The following VRTN variants were observed in gnomAD, a reference collection of about 807,000 sequenced individuals.
VRTN encodes vertebrae development associated.
A neutral mutation model predicts 18.2 loss-of-function variants in VRTN; 5 were observed. The ratio of observed to expected loss-of-function variants is 0.27; its 90% CI spans 0.14 to 0.58. The LOEUF is 0.58. VRTN is among the 20% of genes least tolerant of loss of function. The probability of loss-of-function intolerance (pLI) is 0.91; values close to 1 mark genes in which losing one functional copy is unlikely to be tolerated. For synonymous variants in VRTN, 381 were observed against 393.7 expected, an observed-to-expected ratio of 0.97 and a Z score of 0.38; for missense variants, 741 against 939.4, an observed-to-expected ratio of 0.79 and a Z score of 2.76.
rs1166091520 is a variant in VRTN, at chr14:74,357,942, C to T, written c.1159C>T (p.Leu387=). 7 of 1,614,094 alleles carry T rather than the reference C, an allele frequency of 4.3e-6. No individual in the cohort carries two copies. Among genetic ancestry groups the T allele is most frequent in the Admixed American group, 1.7e-5 (1 of 60,010 alleles). ...GGAGGAGCAGGTGGCTGAGGAGGAG[C>T]TGGAGTGCTCCGCACTGGCGGTGTC... ...LPEEQVAEEE[L]ECSALAVSSP... The change falls in exon 2 of 2, where the codon CTG becomes TTG. Residue 387 remains leucine, a synonymous_variant. Coordinates refer to ENST00000256362, the MANE Select transcript of VRTN (RefSeq NM_018228.3). This position sits in a 1 kb window ranked among gnomAD's most constrained non-coding sequence, Gnocchi z 7.8.
intron 1 of VRTN, among the ~76,000 whole-genome samples, chr14:74,309,691 C>T (rs1414189038): frequency 6.6e-6 from 1 of 152,024 alleles, no homozygotes; most frequent in Non-Finnish European, 1.5e-5. Flanking sequence ...AGCGAGACCT[C>T]GTTTCTAAAA....
chr14:74,355,600 T>C (rs1271508635), intron 1 of VRTN, among the ~76,000 whole-genome samples: 1 of 152,158 alleles, frequency 6.6e-6, no homozygotes, highest in Admixed American at 6.5e-5. Context: ...AGTGGCATGA[T>C]CTCTACTCAG....
intron 2 of VRTN, among the ~76,000 whole-genome samples, chr14:74,338,535 G>C (rs2085580210): frequency 6.6e-6 from 1 of 152,178 alleles, no homozygotes; most frequent in Admixed American, 6.6e-5. Context: ...CCTACACAGA[G>C]TAGATGTTTA....
chr14:74,344,669 A>G (rs1262094486), upstream of VRTN, among the ~76,000 whole-genome samples: 2 of 137,512 alleles, frequency 1.5e-5, no homozygotes, highest in African/African-American at 5.4e-5. Context: ...TGGGAGGCAG[A>G]GGTTGCAGTG....
At chr14:74,304,345 G>T (rs182177740) in intron 1 of VRTN, among the ~76,000 whole-genome samples, 1 of 150,932 alleles carries the variant, frequency 6.6e-6, no homozygotes, top group African/African-American at 2.4e-5. Context: ...TAGTAGAGAC[G>T]TGGTTTCTCC....
chr14:74,322,906 G>A (rs576336764), intron 1 of VRTN, among the ~76,000 whole-genome samples: 42 of 152,252 alleles, frequency 2.8e-4, no homozygotes, highest in African/African-American at 1.0e-3. Flanking sequence ...GGCCAAGGTG[G>A]GCAGATCACC....
upstream of VRTN, among the ~76,000 whole-genome samples, chr14:74,346,826 T>C (rs1455987543): frequency 6.6e-6 from 1 of 152,202 alleles, no homozygotes; most frequent in African/African-American, 2.4e-5. Flanking sequence ...CACTACTTTC[T>C]TTTTAAAAAA....
At chr14:74,312,180 A>G (rs1037780636) in intron 1 of VRTN, among the ~76,000 whole-genome samples, 5 of 152,212 alleles carry the variant, frequency 3.3e-5, no homozygotes, top group African/African-American at 1.2e-4. Context: ...GGAACTATAT[A>G]TCTAGTTTCC....
chr14:74,351,991 G>A lies in VRTN; in HGVS notation c.-2+3339G>A, dbSNP rs535150672. On this transcript the variant is annotated intron_variant, in intron 1 of 1. Transcript: ENST00000256362. ...CCCGAGTAGCTGGGACTACAGGCGC[G>A]GGCCACCATGCCCAGCTAATTATTT... 1.1e-3 allele frequency among the ~76,000 whole-genome samples: 164 copies of A among 148,680 alleles called. 1 individual carries two copies. Among genetic ancestry groups the A allele is most frequent in the African/African-American group, 3.8e-3 (155 of 40,316 alleles).
At chr14:74,328,692 C>T (rs2085502632) in intron 1 of VRTN, among the ~76,000 whole-genome samples, 1 of 152,196 alleles carries the variant, frequency 6.6e-6, no homozygotes, top group Non-Finnish European at 1.5e-5. Flanking sequence ...TGACATACTG[C>T]AGGGTTAAAA....
chr14:74,335,003 C>T (rs567206756), intron 1 of VRTN, among the ~76,000 whole-genome samples: 2 of 152,186 alleles, frequency 1.3e-5, no homozygotes, highest in Admixed American at 6.5e-5. Context: ...ACACAAAGGC[C>T]AGGCACGGTG....
At chr14:74,321,291 C>T (rs1470178005) in intron 1 of VRTN, among the ~76,000 whole-genome samples, 2 of 152,140 alleles carry the variant, frequency 1.3e-5, no homozygotes, top group African/African-American at 2.4e-5. Context: ...GTAGGAGCTG[C>T]ATGAGGCATT....
At position 74,331,544 on chromosome 14, in the gene VRTN, T is replaced by TTATATATATA. The variant is rs1169929236; in HGVS notation, c.-163-6142_-163-6133dup. Among the ~76,000 whole-genome samples, 338 of 43,226 alleles carry TTATATATATA rather than the reference T, an allele frequency of 7.8e-3. 10 individuals are homozygous for TTATATATATA. The highest frequency in any genetic ancestry group is 0.011 in the Non-Finnish European group (217 of 20,434). 28.4% of individuals were successfully genotyped at this position (43,226 alleles called of 152,430 possible). The stretch of plus-strand genomic sequence containing the variant: ...AACTCCATCTCAAAAAAAAAAAATT[T>TTATATATATA]TATATATATATATATATATATATAT... On this transcript the variant is annotated intron_variant, in intron 1 of 2. Coordinates refer to the VRTN transcript ENST00000557177.
chr14:74,317,278 A>G (rs980209797), intron 1 of VRTN, among the ~76,000 whole-genome samples: 1 of 152,200 alleles, frequency 6.6e-6, no homozygotes, highest in African/African-American at 2.4e-5. Flanking sequence ...TGGGGACTAT[A>G]GAATGGTACA....
intron 1 of VRTN, among the ~76,000 whole-genome samples, chr14:74,350,590 A>G (rs1567045247): frequency 1.3e-5 from 2 of 152,196 alleles, no homozygotes. Flanking sequence ...GATCCATTGG[A>G]TAATGAGAAT....
chr14:74,349,797 A>C (rs2085672080), intron 1 of VRTN, among the ~76,000 whole-genome samples: 1 of 152,158 alleles, frequency 6.6e-6, no homozygotes. Context: ...TGCCCTGCAG[A>C]GTAGCCTGTG....
intron 1 of VRTN, among the ~76,000 whole-genome samples, chr14:74,348,960 C>T (rs993346405): frequency 1.3e-4 from 19 of 151,680 alleles, no homozygotes; most frequent in South Asian, 2.1e-4. Flanking sequence ...CCAGGTTCCC[C>T]GGGCTTCTCA....
chr14:74,311,184 T>C (rs768975181), intron 1 of VRTN, among the ~76,000 whole-genome samples: 4 of 152,096 alleles, frequency 2.6e-5, no homozygotes, highest in Non-Finnish European at 5.9e-5. Flanking sequence ...AGTTTTTTAA[T>C]TGAAAAATTG....
chr14:74,311,270 A>G (rs897232366), intron 1 of VRTN, among the ~76,000 whole-genome samples: 5 of 152,192 alleles, frequency 3.3e-5, no homozygotes, highest in Admixed American at 2.6e-4. Flanking sequence ...CTTCCACCCC[A>G]GAGCCAAGCT....
Sources: gnomAD v4.1 joint callset for allele counts (sites outside exome capture counted in the v4.1 genomes callset) on GRCh38, gnomAD v4.1.1 for gene constraint, Gnocchi (gnomAD v3.1) non-coding constraint, MANE v1.5 for transcripts, NCBI Gene and HGNC (gene_info 2026-07-23, HGNC 2026-07-21) for gene names.